The following CNTNAP4 variants were observed in gnomAD, a reference collection of about 807,000 sequenced individuals.
CNTNAP4 encodes the protein contactin associated protein family member 4, also known as contactin-associated protein-like 4.
CNTNAP4 carries 98 observed loss-of-function variants against 148.4 expected under a neutral mutation model. The ratio of observed to expected loss-of-function variants is 0.66; its 90% confidence interval spans 0.56 to 0.78. CNTNAP4 has a LOEUF of 0.78. CNTNAP4 is among the 30% of genes least tolerant of loss of function. The pLI is 0.00. For synonymous variants in CNTNAP4, 730 were observed against 565.1 expected, an observed-to-expected ratio of 1.29 and a Z score of -4.14; for missense variants, 1,935 against 1,565.6, an observed-to-expected ratio of 1.24 and a Z score of -3.98.
At chr16:76,293,719 A>C (rs1002439855) in intron 1 of CNTNAP4, among the ~76,000 whole-genome samples, 6 of 152,108 alleles carry the variant, frequency 3.9e-5, no homozygotes, top group African/African-American at 1.4e-4. Context: ...AAATAAAAGA[A>C]TTTAATCACA....
chr16:76,343,493 C>T (rs780567501), intron 2 of CNTNAP4, among the ~76,000 whole-genome samples: 3 of 152,120 alleles, frequency 2.0e-5, no homozygotes, highest in South Asian at 2.1e-4. Context: ...GGGAAACATT[C>T]GCCTGCTTTT....
chr16:76,464,412 A>T (rs1183521234), intron 9 of CNTNAP4, among the ~76,000 whole-genome samples: 1 of 152,124 alleles, frequency 6.6e-6, no homozygotes, highest in Admixed American at 6.6e-5. Flanking sequence ...AACGACCTTC[A>T]TCCTGGGAAC....
At chr16:76,445,483 C>T (rs1597564605) in intron 4 of CNTNAP4, among the ~76,000 whole-genome samples, 1 of 152,118 alleles carries the variant, frequency 6.6e-6, no homozygotes, top group East Asian at 1.9e-4. Context: ...ATTGCATTGT[C>T]GTGTACCTGT....
intron 19 of CNTNAP4, among the ~76,000 whole-genome samples, chr16:76,539,198 G>C (rs4359472): frequency 0.62 from 93,644 of 151,802 alleles, 29,063 homozygotes; most frequent in South Asian, 0.71. Context: ...AGTACTAATT[G>C]TGATGGTAAA....
At chr16:76,325,269 T>C (rs1962852654) in intron 2 of CNTNAP4, among the ~76,000 whole-genome samples, 1 of 152,218 alleles carries the variant, frequency 6.6e-6, no homozygotes, top group Non-Finnish European at 1.5e-5. Flanking sequence ...AAATATGTAA[T>C]GTATATTTAT....
Position 76,538,765 on chromosome 16 carries a change from G to A in CNTNAP4, c.3220+425G>A, listed in dbSNP as rs545396995. Among the ~76,000 whole-genome samples the A allele has an allele frequency of 3.9e-4, 59 of 151,976 alleles. 1 individual carries two copies. In the South Asian group the frequency reaches 0.012, roughly 30 times the overall value. ...AAACCAGCATTTTGAGTAAGAATAT[G>A]TCCACAAGATGACCTTTTAGTTGTA... On this transcript the variant is annotated intron_variant, in intron 19 of 23. Transcript: ENST00000611870.
At chr16:76,432,831 A>G (rs969014087) in intron 4 of CNTNAP4, among the ~76,000 whole-genome samples, 2 of 152,158 alleles carry the variant, frequency 1.3e-5, no homozygotes, top group South Asian at 2.1e-4. Context: ...CCCCAACAGA[A>G]TAAGAACATC....
intron 3 of CNTNAP4, among the ~76,000 whole-genome samples, chr16:76,360,126 C>G (rs4888493): frequency 0.068 from 10,378 of 152,170 alleles, 411 homozygotes; most frequent in South Asian, 0.089. Flanking sequence ...CCTTTATTGC[C>G]TATATGAAGT....
chr16:76,283,981 A>G (rs1373396419), intron 1 of CNTNAP4, among the ~76,000 whole-genome samples: 1 of 152,026 alleles, frequency 6.6e-6, no homozygotes, highest in African/African-American at 2.4e-5. Flanking sequence ...TTAGTTGAAT[A>G]TATCTGATGA....
chr16:76,544,498 T>TA (rs2084616628), intron 21 of CNTNAP4, among the ~76,000 whole-genome samples: 2 of 152,188 alleles, frequency 1.3e-5, no homozygotes, highest in Non-Finnish European at 2.9e-5. Flanking sequence ...AACTACCTGT[T>TA]ACAATTAAAA....
At chr16:76,373,221 G>T (rs1340763557) in intron 3 of CNTNAP4, among the ~76,000 whole-genome samples, 4 of 148,144 alleles carry the variant, frequency 2.7e-5, no homozygotes, top group Non-Finnish European at 4.5e-5. Context: ...CACATAAATA[G>T]GTGAATATAT....
At chr16:76,541,936 A>G (rs144395013) in intron 21 of CNTNAP4, among the ~76,000 whole-genome samples, 4,068 of 152,328 alleles carry the variant, frequency 0.027, 85 homozygotes, top group Middle Eastern at 0.068. Context: ...TCACAGTGTT[A>G]TTATATAAAT....
At position 76,553,846 on chromosome 16, in the gene CNTNAP4, A is replaced by C; in HGVS notation, c.3672A>C (p.Gly1224=). The C allele has an allele frequency of 6.2e-7, 1 of 1,611,076 alleles. No individual in the cohort carries two copies. Among genetic ancestry groups the C allele is most frequent in the Non-Finnish European group, 8.5e-7 (1 of 1,177,546 alleles). Residue 1224 remains glycine, a synonymous_variant, in exon 23 of 24, where the codon GGA becomes GGC. Coordinates refer to ENST00000611870, the MANE Select transcript of CNTNAP4 (RefSeq NM_033401.5). ...ERTHSFADHS[G]TIDDREPLAN... ...GTGCTTTAACTGCAGATCATTCTGG[A>C]ACAATAGATGACAGAGAGCCCCTTG...
In CNTNAP4 at chr16:76,448,154, A is replaced by C; in HGVS notation, c.681A>C (p.Pro227=). The C allele has an allele frequency of 6.2e-7, 1 of 1,613,658 alleles. No individual in the cohort carries two copies. Among genetic ancestry groups the C allele is most frequent in the South Asian group, 1.1e-5 (1 of 91,080 alleles). ...SDGILLHREG[P]NGDHITLQLR... is the part of the protein sequence containing the mutation. Reference sequence around the variant, plus strand: ...GGATTCTACTCCACAGGGAAGGGCCAAATGGAGATCACATCACACTGCAAT... The same window carrying C: ...GGATTCTACTCCACAGGGAAGGGCCCAATGGAGATCACATCACACTGCAAT... The change falls in exon 5 of 24, where the codon CCA becomes CCC. Residue 227 remains proline (P), a synonymous_variant. Transcript: ENST00000611870.
chr16:76,323,332 T>G (rs570505778), intron 2 of CNTNAP4, among the ~76,000 whole-genome samples: 1 of 152,260 alleles, frequency 6.6e-6, no homozygotes, highest in South Asian at 2.1e-4. Flanking sequence ...GGATTTAGTT[T>G]GTGAAGTTTA....
At chr16:76,338,778 T>G (rs1017529309) in intron 2 of CNTNAP4, among the ~76,000 whole-genome samples, 22 of 152,202 alleles carry the variant, frequency 1.4e-4, no homozygotes, top group African/African-American at 5.1e-4. Flanking sequence ...TAAGTGACTT[T>G]ACAACCTTTT....
chr16:76,497,965 G>A (rs969433365), intron 14 of CNTNAP4, among the ~76,000 whole-genome samples: 1 of 152,278 alleles, frequency 6.6e-6, no homozygotes, highest in African/African-American at 2.4e-5. Flanking sequence ...AAATGTTAAT[G>A]TATTAACCAA....
intron 21 of CNTNAP4, among the ~76,000 whole-genome samples, chr16:76,544,348 T>C (rs1258350171): frequency 6.6e-6 from 1 of 152,168 alleles, no homozygotes; most frequent in Non-Finnish European, 1.5e-5. Context: ...AGTACTCATT[T>C]CTTAAATGTA....
At position 76,525,615 on chromosome 16, in the gene CNTNAP4, A is replaced by C. The variant is rs1276563614; in HGVS notation, c.2755+3358A>C. The stretch of plus-strand genomic sequence containing the variant: ...TTTATATAACTATATATAGTTTTAT[A>C]GTTTATATGTAGTTTATAACTACAT... On this transcript the variant is annotated intron_variant, in intron 17 of 23. Coordinates refer to ENST00000611870, the MANE Select transcript of CNTNAP4 (RefSeq NM_033401.5). 2.2e-5 allele frequency among the ~76,000 whole-genome samples: 3 copies of C among 139,026 alleles called. No individual in the cohort carries two copies. The East Asian group carries it at 6.0e-4, about 28-fold the overall frequency. 91.2% of individuals were successfully genotyped at this position (139,026 alleles called of 152,430 possible). A position where few individuals can be genotyped will look rare whatever the true frequency, so the allele number is the denominator to read the frequency against.
Sources: allele counts gnomAD v4.1 joint callset (sites outside exome capture counted in the v4.1 genomes callset), GRCh38; gene constraint gnomAD v4.1.1; transcripts MANE v1.5; gene names NCBI Gene and HGNC (gene_info 2026-07-23, HGNC 2026-07-21).